Variants in VWA2 observed in about 807,000 individuals in gnomAD.
The protein encoded by VWA2 is von Willebrand factor A domain containing 2.
In VWA2, 73 loss-of-function variants were observed where a neutral mutation model predicts 70.4. That is an observed-to-expected ratio of 1.04 (90% CI 0.86 to 1.26). The LOEUF (loss-of-function observed/expected upper bound fraction) is 1.26, where lower values mean the gene tolerates loss of function less well. VWA2 is among the 50% of genes most tolerant of loss of function. The pLI, the probability that VWA2 is intolerant of heterozygous loss-of-function variation, is 0.00. For missense variants in VWA2, 1,011 were observed against 998.5 expected (o/e 1.01, Z -0.17); for synonymous variants, 407 against 423.3 (o/e 0.96, Z 0.47).
intron 6 of VWA2, among the ~76,000 whole-genome samples, chr10:114,274,132 A>C (rs2037769801): frequency 1.3e-5 from 2 of 152,228 alleles, no homozygotes; most frequent in South Asian, 4.1e-4. Context: ...GAACAGCCAG[A>C]CGGCCAGGGA....
chr10:114,240,131 G>A (rs1464847693), intron 1 of VWA2, among the ~76,000 whole-genome samples: 1 of 152,216 alleles, frequency 6.6e-6, no homozygotes, highest in East Asian at 1.9e-4. Flanking sequence ...GAACCTGAGA[G>A]GGGCCGGCTG....
rs1208264493 is a variant in VWA2 at position 114,239,511 on chromosome 10, G to C, written c.-69G>C. The stretch of plus-strand genomic sequence containing the variant: ...CGTAGCGCCCCCTGGCCCGAGCCGC[G>C]CCCGGGTCTGTGAGTAGAGCCGCCC... On this transcript the variant is annotated 5_prime_UTR_variant, in exon 1 of 14. Transcript: ENST00000392982. The C allele has an allele frequency of 6.6e-6, 1 of 152,202 alleles. No individual in the cohort carries two copies. Among genetic ancestry groups the C allele is most frequent in the African/African-American group, 2.4e-5 (1 of 41,430 alleles). 9.4% of individuals were successfully genotyped at this position (152,202 alleles called of 1,614,324 possible).
At chr10:114,240,863 A>G (rs1003669085) in intron 1 of VWA2, among the ~76,000 whole-genome samples, 2 of 152,192 alleles carry the variant, frequency 1.3e-5, no homozygotes, top group Admixed American at 1.3e-4. Flanking sequence ...CTAGGTCCCC[A>G]GGCAAATCCC....
At chr10:114,262,453 C>G (rs1432305618) in intron 5 of VWA2, among the ~76,000 whole-genome samples, 1 of 152,056 alleles carries the variant, frequency 6.6e-6, no homozygotes, top group Non-Finnish European at 1.5e-5. Context: ...ACTTGATTTG[C>G]CCCTTGCCAC....
At chr10:114,275,561 A>ACGGT (rs2037821578) in intron 6 of VWA2, among the ~76,000 whole-genome samples, 1 of 151,664 alleles carries the variant, frequency 6.6e-6, no homozygotes. Context: ...TGCCTCTCAA[A>ACGGT]CTGGACCAGT....
rs765503243 is a variant in VWA2 at position 114,278,754 on chromosome 10, A to T, written c.736A>T (p.Thr246Ser). Residue 246 changes from threonine to serine, a missense_variant, in exon 8 of 14, where the codon ACG becomes TCG. Transcript: ENST00000392982. ...RVEAHPCEHR[T>S]LEMVREFAGN... ...CGAGGCTCACCCCTGTGAGCACAGG[A>T]CGCTGGAGATGGTCCGGGAGTTCGC... 14 of 1,613,930 alleles carry T rather than the reference A, an allele frequency of 8.7e-6. No homozygotes were observed. Among genetic ancestry groups the T allele is most frequent in the Non-Finnish European group, 1.2e-5 (14 of 1,180,028 alleles).
chr10:114,286,191 G>A lies in VWA2; in HGVS notation c.1250G>A (p.Gly417Asp), dbSNP rs373658899. ...AGCCTCGATGGCATTCCCTTCCGTG[G>A]TGGCCCCACCCTGACGGGCAGTGCC... ...VWSLDGIPFR[G>D]GPTLTGSALR... Residue 417 changes from glycine (G) to aspartate (D), a missense_variant, in exon 11 of 14, where the codon GGT becomes GAT. By Grantham distance (94) the Gly-to-Asp change is moderately conservative (BLOSUM62 -1). Coordinates refer to ENST00000392982, the MANE Select transcript of VWA2 (RefSeq NM_001272046.2). 61 of 1,614,040 alleles carry A rather than the reference G, an allele frequency of 3.8e-5. No homozygotes were observed. Among genetic ancestry groups the A allele is most frequent in the Non-Finnish European group, 5.2e-5 (61 of 1,180,000 alleles).
intron 11 of VWA2, among the ~76,000 whole-genome samples, chr10:114,288,086 A>G (rs1231667509): frequency 6.6e-6 from 1 of 151,946 alleles, no homozygotes; most frequent in African/African-American, 2.4e-5. Context: ...ATAAAACCCA[A>G]ACTCCTTCCC....
chr10:114,287,487 G>C (rs2039047749), intron 11 of VWA2, among the ~76,000 whole-genome samples: 1 of 152,102 alleles, frequency 6.6e-6, no homozygotes, highest in African/African-American at 2.4e-5. Context: ...CCTTTATAGG[G>C]CTCCTGGAGT....
chr10:114,268,331 T>G (rs1324594662), intron 5 of VWA2, among the ~76,000 whole-genome samples: 4 of 147,200 alleles, frequency 2.7e-5, no homozygotes. Flanking sequence ...CTAGTTTAGT[T>G]CAATTTGAGA....
intron 5 of VWA2, 80 bp from the exon 6 acceptor site, chr10:114,272,660 A>G (rs2037736064): frequency 7.7e-7 from 1 of 1,306,056 alleles, no homozygotes; most frequent in Non-Finnish European, 1.0e-6. Context: ...GGAAGAGCTC[A>G]TCGATTTCAG....
At chr10:114,252,072 C>T (rs2037208763) in intron 2 of VWA2, among the ~76,000 whole-genome samples, 1 of 152,298 alleles carries the variant, frequency 6.6e-6, no homozygotes, top group South Asian at 2.1e-4. Flanking sequence ...TCCCAAAGTG[C>T]TGGGATTACA....
intron 9 of VWA2, 53 bp from the exon 10 acceptor site, chr10:114,284,810 C>G: frequency 1.3e-6 from 2 of 1,528,780 alleles, no homozygotes; most frequent in South Asian, 1.2e-5. Context: ...GGCCAGTCCT[C>G]TCCACTCCTC....
At chr10:114,270,180 G>T (rs999644738) in intron 5 of VWA2, among the ~76,000 whole-genome samples, 2 of 152,136 alleles carry the variant, frequency 1.3e-5, no homozygotes, top group Admixed American at 6.5e-5. Context: ...TTAAACTCCA[G>T]TTCCGACCTC....
At chr10:114,254,800 C>A (rs1449297802) in intron 3 of VWA2, 115 bp from the exon 4 acceptor site, 3 of 1,411,426 alleles carry the variant, frequency 2.1e-6, no homozygotes, top group Admixed American at 3.8e-5. Context: ...TCTCCCCTTT[C>A]ATGCTAAGAG....
intron 12 of VWA2, chr10:114,289,799 C>T: frequency 2.4e-6 from 1 of 420,826 alleles, no homozygotes; most frequent in South Asian, 2.5e-5. Flanking sequence ...GTCTAAAGAT[C>T]CCACATTCAC....
At chr10:114,244,354 C>A (rs1429225563) in intron 1 of VWA2, among the ~76,000 whole-genome samples, 1 of 152,170 alleles carries the variant, frequency 6.6e-6, no homozygotes. Context: ...CCTTGTTGAA[C>A]ATCCTGTGGC....
chr10:114,285,094 A>G (rs1374214000), intron 10 of VWA2, 124 bp downstream of exon 10: 5 of 686,716 alleles, frequency 7.3e-6, no homozygotes, highest in African/African-American at 1.9e-5. Context: ...CTGCTTTCCA[A>G]TGCACCACTG....
chr10:114,272,393 A>G (rs185874999), intron 5 of VWA2, among the ~76,000 whole-genome samples: 2 of 152,114 alleles, frequency 1.3e-5, no homozygotes, highest in Non-Finnish European at 2.9e-5. Context: ...GAGCTGTAAC[A>G]AGAAGATGAT....
Sources: gnomAD v4.1 joint callset for allele counts (sites outside exome capture counted in the v4.1 genomes callset) on GRCh38, gnomAD v4.1.1 for gene constraint, MANE v1.5 for transcripts, NCBI Gene and HGNC (gene_info 2026-07-23, HGNC 2026-07-21) for gene names.